DCAF6: variants seen among roughly 807,000 people sequenced by gnomAD.
DCAF6 encodes the protein DDB1- and CUL4-associated factor 6.
DCAF6 carries 54 observed loss-of-function variants against 125.1 expected under a neutral mutation model. That is an observed-to-expected ratio of 0.43 (90% CI 0.35 to 0.54). The LOEUF (loss-of-function observed/expected upper bound fraction) is 0.54. Among genes scored for constraint, DCAF6 ranks in the 20% least tolerant of loss-of-function variants. The probability of loss-of-function intolerance (pLI) is 0.01; values close to 1 mark genes in which losing one functional copy is unlikely to be tolerated. For synonymous variants in DCAF6, 371 were observed against 390.4 expected (o/e 0.95, Z 0.58); for missense variants, 934 against 1,161.7 (o/e 0.80, Z 2.85).
At chr1:167,981,034 G>A (rs1457443979) in intron 4 of DCAF6, among the ~76,000 whole-genome samples, 3 of 150,866 alleles carry the variant, frequency 2.0e-5, no homozygotes, top group Non-Finnish European at 4.4e-5. Context: ...AGCCTCCTGA[G>A]TAGCTGGGAT....
chr1:167,914,586 G>A, the DCAF6 span, among the ~76,000 whole-genome samples: 6 of 152,128 alleles, frequency 3.9e-5, no homozygotes, highest in Non-Finnish European at 7.4e-5. Context: ...TCAAGTGCAC[G>A]CTTTTAATCA....
chr1:167,930,410 G>A, the DCAF6 span, among the ~76,000 whole-genome samples: 1 of 152,148 alleles, frequency 6.6e-6, no homozygotes, highest in Non-Finnish European at 1.5e-5. Flanking sequence ...TCAGGCAAAT[G>A]AGGCCCAGTA....
At chr1:168,058,821 C>T (rs1001258503) in intron 17 of DCAF6, among the ~76,000 whole-genome samples, 6 of 152,146 alleles carry the variant, frequency 3.9e-5, no homozygotes, top group East Asian at 1.9e-4. Context: ...CCACCTGCCT[C>T]GGCCTCCCAA....
chr1:167,963,970 C>CT (rs1378229583), intron 2 of DCAF6, among the ~76,000 whole-genome samples: 1 of 152,116 alleles, frequency 6.6e-6, no homozygotes, highest in Non-Finnish European at 1.5e-5. Flanking sequence ...ATTCATTTCA[C>CT]TTATTTATAA....
the DCAF6 span, among the ~76,000 whole-genome samples, chr1:167,897,368 A>G: frequency 6.6e-6 from 1 of 150,502 alleles, no homozygotes; most frequent in Non-Finnish European, 1.5e-5. Context: ...GTAGTGGCAC[A>G]TGTCTGTGGT....
chr1:167,925,444 T>TATATAC, the DCAF6 span, among the ~76,000 whole-genome samples: 1 of 71,652 alleles, frequency 1.4e-5, no homozygotes, highest in Non-Finnish European at 3.1e-5. Flanking sequence ...CATATACACA[T>TATATAC]ATATATATAT....
intron 12 of DCAF6, among the ~76,000 whole-genome samples, chr1:168,034,342 C>T (rs1687529843): frequency 6.6e-6 from 1 of 152,102 alleles, no homozygotes; most frequent in South Asian, 2.1e-4. Flanking sequence ...TAGTGAGACT[C>T]CATCTCTAGA....
At chr1:168,042,892 C>T (rs945702203) in intron 13 of DCAF6, 133 bp from the exon 14 acceptor site, 12 of 579,976 alleles carry the variant, frequency 2.1e-5, no homozygotes, top group Non-Finnish European at 3.1e-5. Flanking sequence ...TTTACAAATG[C>T]TATTAAAATT....
chr1:167,930,774 T>C, the DCAF6 span, among the ~76,000 whole-genome samples: 1 of 152,242 alleles, frequency 6.6e-6, no homozygotes, highest in East Asian at 1.9e-4. Context: ...TATTTCATTC[T>C]CTGTTATAAG....
At chr1:167,980,862 A>G (rs1031479654) in intron 4 of DCAF6, among the ~76,000 whole-genome samples, 46 of 147,568 alleles carry the variant, frequency 3.1e-4, no homozygotes, top group African/African-American at 1.1e-3. Context: ...TTTTGTTGTT[A>G]TATCTAATAA....
chr1:167,988,912 CTACAAAAAA>C (rs202226756), intron 5 of DCAF6, among the ~76,000 whole-genome samples: 3,200 of 152,046 alleles, frequency 0.021, 60 homozygotes, highest in Middle Eastern at 0.071. Flanking sequence ...AACCCTGTCT[CTACAAAAAA>C]TACAAAAAAT....
intron 1 of DCAF6, 48 bp downstream of exon 1, chr1:167,937,056 G>A: frequency 1.3e-6 from 2 of 1,493,254 alleles, no homozygotes; most frequent in Non-Finnish European, 1.8e-6. Context: ...CGCCTAGAGT[G>A]GGGGAGGGGG....
At chr1:167,902,197 C>A in the DCAF6 span, 14 of 853,192 alleles carry the variant, frequency 1.6e-5, no homozygotes, top group African/African-American at 3.4e-5. Context: ...TCATCCCAGA[C>A]AAGCCACTTA....
intron 1 of DCAF6, among the ~76,000 whole-genome samples, chr1:167,938,956 A>G (rs1249132906): frequency 6.6e-6 from 1 of 152,238 alleles, no homozygotes; most frequent in Admixed American, 6.5e-5. Flanking sequence ...GTGTATGTAT[A>G]CATACAGGGA....
chr1:167,993,849 A>T (rs1681241518), intron 7 of DCAF6, among the ~76,000 whole-genome samples: 1 of 152,208 alleles, frequency 6.6e-6, no homozygotes. Context: ...GGCCAAAAAA[A>T]AAAATTAATT....
At chr1:167,901,608 G>A in the DCAF6 span, 4 of 1,556,290 alleles carry the variant, frequency 2.6e-6, no homozygotes, top group Non-Finnish European at 3.5e-6. Context: ...GATGCCCCAG[G>A]AGTCAAGACC....
chr1:167,988,235 A>G (rs1481797379), intron 5 of DCAF6, among the ~76,000 whole-genome samples: 1 of 152,120 alleles, frequency 6.6e-6, no homozygotes, highest in East Asian at 1.9e-4. Flanking sequence ...ATCCTAGCTC[A>G]CTGCAGCCTC....
intron 1 of DCAF6, among the ~76,000 whole-genome samples, chr1:167,943,270 T>G (rs575706831): frequency 6.6e-6 from 1 of 152,312 alleles, no homozygotes; most frequent in East Asian, 1.9e-4. Flanking sequence ...CCTTTCTATT[T>G]CCATAAAAAT....
At chr1:168,018,176 T>C (rs1685221691) in intron 11 of DCAF6, among the ~76,000 whole-genome samples, 1 of 152,176 alleles carries the variant, frequency 6.6e-6, no homozygotes, top group African/African-American at 2.4e-5. Context: ...ACATTTTTAG[T>C]GGGCTCAAAT....
Sources: gnomAD v4.1 joint callset for allele counts (sites outside exome capture counted in the v4.1 genomes callset) on GRCh38, gnomAD v4.1.1 for gene constraint, MANE v1.5 for transcripts, NCBI Gene and HGNC (gene_info 2026-07-23, HGNC 2026-07-21) for gene names.